Variants in MYT1L observed in about 807,000 individuals in gnomAD.
The protein encoded by MYT1L is myelin transcription factor 1 like.
In MYT1L, 12 loss-of-function variants were observed where a neutral mutation model predicts 126.7. The observed-to-expected ratio is 0.09, with a 90% CI of 0.06 to 0.15. The LOEUF is 0.15. Ranked by LOEUF, MYT1L falls within the 10% of genes least tolerant of loss-of-function variation. The probability of loss-of-function intolerance (pLI) is 1.00; values close to 1 mark genes in which losing one functional copy is unlikely to be tolerated. For missense variants in MYT1L, 979 were observed against 1,585.2 expected (o/e 0.62, Z 6.49); for synonymous variants, 541 against 604.2 (o/e 0.90, Z 1.53).
chr2:2,209,038 C>A (rs531139882), intron 2 of MYT1L, among the ~76,000 whole-genome samples: 2 of 151,672 alleles, frequency 1.3e-5, no homozygotes, highest in East Asian at 3.9e-4. Flanking sequence ...CAAATAGATT[C>A]AAAGCCACTG....
intron 5 of MYT1L, among the ~76,000 whole-genome samples, chr2:1,991,092 T>C (rs201308722): frequency 7.6e-4 from 116 of 152,298 alleles, no homozygotes; most frequent in African/African-American, 2.7e-3. Flanking sequence ...AGAGGAGCCA[T>C]TGAAGCCAGC....
intron 9 of MYT1L, among the ~76,000 whole-genome samples, chr2:1,931,259 CAG>C (rs1429861047): frequency 6.6e-6 from 1 of 152,224 alleles, no homozygotes; most frequent in East Asian, 1.9e-4. Context: ...ATACCAGTGC[CAG>C]AGAGGATGCC....
Position 1,929,758 on chromosome 2 carries a change from T to C in MYT1L, c.506-6495A>G, listed in dbSNP as rs10193974. 3.8e-3 allele frequency among the ~76,000 whole-genome samples: 573 copies of C among 152,322 alleles called. 2 individuals are homozygous for C. The highest frequency in any genetic ancestry group is 0.013 in the African/African-American group (559 of 41,570). On this transcript the variant is annotated intron_variant, in intron 9 of 24. Coordinates refer to ENST00000647738, the MANE Select transcript of MYT1L (RefSeq NM_001303052.2). The surrounding 1 kb of genome is among the most constrained non-coding windows in gnomAD (Gnocchi z 4.7). ...TGAATTTTAGTGCTAGATAGAATTA[T>C]TGAGATCATGCCTTCAAAATTTAAT...
intron 3 of MYT1L, among the ~76,000 whole-genome samples, chr2:2,155,391 A>G (rs1424149925): frequency 6.6e-6 from 1 of 152,200 alleles, no homozygotes; most frequent in Non-Finnish European, 1.5e-5. Flanking sequence ...GTTTTTTAAT[A>G]TAAGCCATGT....
rs1049630891 is a variant in MYT1L, at chr2:1,965,026, A to G, written c.152+14139T>C. ...TGGCTGTGAGAGCTCTCAAATCATC[A>G]GTGCCCAGAAAATTAAATTCACCAG... On this transcript the variant is annotated intron_variant, in intron 8 of 24. Transcript: ENST00000647738. 3.3e-5 allele frequency among the ~76,000 whole-genome samples: 5 copies of G among 152,366 alleles called. No homozygotes were observed. The East Asian group carries it at 9.6e-4, about 29-fold the overall frequency.
intron 4 of MYT1L, among the ~76,000 whole-genome samples, chr2:2,043,068 C>T (rs527405858): frequency 5.9e-5 from 9 of 152,276 alleles, no homozygotes; most frequent in Non-Finnish European, 1.2e-4. Flanking sequence ...CAAAGCGACA[C>T]CCTGATGTGG....
At chr2:2,257,312 C>T (rs568737526) in intron 2 of MYT1L, among the ~76,000 whole-genome samples, 1 of 152,320 alleles carries the variant, frequency 6.6e-6, no homozygotes, top group South Asian at 2.1e-4. Context: ...TTGGAAATGA[C>T]TGACGGTTTT....
chr2:1,899,734 C>T (rs142229533), intron 14 of MYT1L, among the ~76,000 whole-genome samples: 13 of 152,332 alleles, frequency 8.5e-5, no homozygotes, highest in African/African-American at 2.4e-4. Context: ...GTAAAGCACA[C>T]GCTAATCCTG....
intron 3 of MYT1L, among the ~76,000 whole-genome samples, chr2:2,154,175 T>G (rs1276727221): frequency 2.0e-5 from 3 of 152,192 alleles, no homozygotes; most frequent in Non-Finnish European, 4.4e-5. Context: ...GGAGGGCTGA[T>G]GCCCAATGAC....
intron 1 of MYT1L, among the ~76,000 whole-genome samples, chr2:2,327,913 G>A (rs1056247433): frequency 1.3e-5 from 2 of 152,070 alleles, no homozygotes; most frequent in Non-Finnish European, 2.9e-5. Flanking sequence ...AGTAAACAAA[G>A]TCTTTCAGAT....
In MYT1L at chr2:1,955,700, A is replaced by G. The variant is rs553011930; in HGVS notation, c.153-12366T>C. Among the ~76,000 whole-genome samples the G allele has an allele frequency of 2.4e-4, 37 of 152,344 alleles. No individual in the cohort carries two copies. The East Asian group carries it at 5.4e-3, about 22-fold the overall frequency. On this transcript the variant is annotated intron_variant, in intron 8 of 24. Transcript: ENST00000647738. ...CTCCCCAATTTTAATTTCTGTGGCAATGGTCAGTTACAAGCTGCCATGTCT... is the reference window on the plus strand; with the variant it reads ...CTCCCCAATTTTAATTTCTGTGGCAGTGGTCAGTTACAAGCTGCCATGTCT...
chr2:1,959,150 C>A (rs919175449), intron 8 of MYT1L, among the ~76,000 whole-genome samples: 1 of 152,082 alleles, frequency 6.6e-6, no homozygotes, highest in Non-Finnish European at 1.5e-5. Context: ...TGAAAAAAAA[C>A]AAAATGAAAC....
At chr2:1,999,310 G>C (rs1299024493) in intron 4 of MYT1L, among the ~76,000 whole-genome samples, 1 of 152,132 alleles carries the variant, frequency 6.6e-6, no homozygotes, top group Non-Finnish European at 1.5e-5. Context: ...ATATGAATGT[G>C]ACCAGTTAAT....
At chr2:2,029,423 GCT>G (rs1430953119) in intron 4 of MYT1L, among the ~76,000 whole-genome samples, 1 of 152,218 alleles carries the variant, frequency 6.6e-6, no homozygotes, top group African/African-American at 2.4e-5. Flanking sequence ...AGGCAAGAGA[GCT>G]TGTGCAGGGG....
At chr2:2,063,139 T>G (rs2070752686) in intron 3 of MYT1L, among the ~76,000 whole-genome samples, 1 of 152,206 alleles carries the variant, frequency 6.6e-6, no homozygotes, top group African/African-American at 2.4e-5. Context: ...CATCTTTAAA[T>G]TTCTAAGTGA....
chr2:2,131,439 T>A (rs188732089), intron 3 of MYT1L, among the ~76,000 whole-genome samples: 64 of 152,350 alleles, frequency 4.2e-4, no homozygotes, highest in Non-Finnish European at 6.8e-4. Context: ...GCTTTTGCAA[T>A]TTTAAAATGT....
At position 2,004,715 on chromosome 2, in the gene MYT1L, C is replaced by T. The variant is rs144322713; in HGVS notation, c.-157-7368G>A. 8.7e-4 allele frequency among the ~76,000 whole-genome samples: 126 copies of T among 145,204 alleles called. 3 individuals carry two copies. The South Asian group carries it at 0.025, about 29-fold the overall frequency. ...CATTCTTTCCTGTGTGCCTTTCCTG[C>T]GTGCCTTCTTTCCTGCGTGCCTTCT... On this transcript the variant is annotated intron_variant, in intron 4 of 24. Coordinates refer to ENST00000647738, the MANE Select transcript of MYT1L (RefSeq NM_001303052.2).
intron 8 of MYT1L, among the ~76,000 whole-genome samples, chr2:1,973,477 CA>C (rs1240482431): frequency 1.3e-5 from 2 of 151,330 alleles, no homozygotes; most frequent in Admixed American, 6.6e-5. Flanking sequence ...CATGCAAAGC[CA>C]AAAAAAACCT....
chr2:1,905,422 C>T (rs965789607), intron 13 of MYT1L, among the ~76,000 whole-genome samples: 22 of 151,618 alleles, frequency 1.5e-4, no homozygotes, highest in African/African-American at 4.4e-4. Flanking sequence ...GGCATGGTCT[C>T]GGCTCAATGC....
Sources: allele counts gnomAD v4.1 joint callset (sites outside exome capture counted in the v4.1 genomes callset), GRCh38; gene constraint gnomAD v4.1.1; non-coding constraint Gnocchi (gnomAD v3.1); transcripts MANE v1.5; gene names NCBI Gene and HGNC (gene_info 2026-07-23, HGNC 2026-07-21).